TFDP2: variants seen among roughly 807,000 people sequenced by gnomAD.
The protein encoded by TFDP2 is transcription factor Dp-2, also known as transcription factor Dp-2 (E2F dimerization partner 2).
Under a neutral mutation model 59.3 loss-of-function variants are expected in TFDP2, and 17 were observed. The ratio of observed to expected loss-of-function variants is 0.29; its 90% CI spans 0.20 to 0.43. The LOEUF (loss-of-function observed/expected upper bound fraction) is 0.43, where lower values mean the gene tolerates loss of function less well. Among genes scored for constraint, TFDP2 ranks in the 20% least tolerant of loss-of-function variants. The pLI, the probability that TFDP2 is intolerant of heterozygous loss-of-function variation, is 1.00. For missense variants in TFDP2, 391 were observed against 528.8 expected, an observed-to-expected ratio of 0.74 and a Z score of 2.56; for synonymous variants, 180 against 194.7, an observed-to-expected ratio of 0.92 and a Z score of 0.63.
At chr3:142,112,720 T>C (rs1418214631) in intron 1 of TFDP2, among the ~76,000 whole-genome samples, 7 of 152,190 alleles carry the variant, frequency 4.6e-5, no homozygotes, top group Non-Finnish European at 1.0e-4. Context: ...GAGGTCTTGC[T>C]ATATTGCCCA....
chr3:142,093,830 C>G, intron 2 of TFDP2: 1 of 282,000 alleles, frequency 3.5e-6, no homozygotes, highest in Non-Finnish European at 7.4e-6. Flanking sequence ...ATTTCCTCAT[C>G]TGTAAATTGG....
intron 3 of TFDP2, among the ~76,000 whole-genome samples, chr3:142,049,804 AAAC>A (rs1380972147): frequency 6.6e-6 from 1 of 152,202 alleles, no homozygotes; most frequent in Non-Finnish European, 1.5e-5. Context: ...TCTGCCAACA[AAAC>A]AAAATCAGAT....
intron 3 of TFDP2, among the ~76,000 whole-genome samples, chr3:142,070,199 A>G (rs975168533): frequency 6.6e-6 from 1 of 152,100 alleles, no homozygotes; most frequent in Non-Finnish European, 1.5e-5. Context: ...GAGCCACCGC[A>G]CCTGGCCCAA....
intron 12 of TFDP2, 51 bp downstream of exon 12, chr3:141,952,856 CACAG>C (rs1559907242): frequency 5.7e-6 from 9 of 1,577,358 alleles, no homozygotes; most frequent in East Asian, 2.2e-5. Flanking sequence ...CTCACCCCTA[CACAG>C]ACAGTCAGGG....
intron 3 of TFDP2, among the ~76,000 whole-genome samples, chr3:142,012,761 T>C (rs1015887588): frequency 2.6e-5 from 4 of 152,142 alleles, no homozygotes; most frequent in African/African-American, 7.2e-5. Flanking sequence ...CACTGATGAG[T>C]AGCATGGAGG....
chr3:142,138,245 T>A (rs1311541429), intron 1 of TFDP2, among the ~76,000 whole-genome samples: 1 of 152,188 alleles, frequency 6.6e-6, no homozygotes. Flanking sequence ...TTTTATTGCA[T>A]CTACTTGATT....
intron 3 of TFDP2, among the ~76,000 whole-genome samples, chr3:142,075,828 G>T (rs949749125): frequency 6.8e-6 from 1 of 148,066 alleles, no homozygotes; most frequent in African/African-American, 2.5e-5. Context: ...GATTGCTTGA[G>T]CCCAGGAGGT....
At position 142,108,226 on chromosome 3, in the gene TFDP2, T is replaced by C. The variant is rs112078563; in HGVS notation, c.-92-6385A>G. ...CAAATTGCCTTTCTCTTTTTTTTTT[T>C]TGAGACAGAGTCTGGCTCTGTCACC... is the stretch of plus-strand genomic sequence containing the variant. On this transcript the variant is annotated intron_variant, in intron 1 of 12. Transcript: ENST00000489671. 1.4e-3 allele frequency among the ~76,000 whole-genome samples: 218 copies of C among 152,152 alleles called. 3 individuals are homozygous for C. Among genetic ancestry groups the C allele is most frequent in the Non-Finnish European group, 1.2e-3 (81 of 67,994 alleles).
At chr3:142,139,181 T>C (rs986936154) in intron 1 of TFDP2, among the ~76,000 whole-genome samples, 2 of 152,206 alleles carry the variant, frequency 1.3e-5, no homozygotes, top group African/African-American at 4.8e-5. Flanking sequence ...GAGACTAGGA[T>C]TGCAACCCCT....
chr3:141,952,877 G>A, intron 12 of TFDP2, 34 bp downstream of exon 12: 1 of 1,593,076 alleles, frequency 6.3e-7, no homozygotes, highest in Non-Finnish European at 8.6e-7. Flanking sequence ...AGGGCTCTGG[G>A]GTTTGCCTTT....
intron 1 of TFDP2, among the ~76,000 whole-genome samples, chr3:142,139,325 C>G (rs951567377): frequency 6.6e-6 from 1 of 152,096 alleles, no homozygotes; most frequent in African/African-American, 2.4e-5. Flanking sequence ...ATCCAATTTG[C>G]CAGTCTGTGT....
At chr3:142,001,870 A>AAGG (rs1560009461) in intron 4 of TFDP2, among the ~76,000 whole-genome samples, 2 of 151,800 alleles carry the variant, frequency 1.3e-5, no homozygotes, top group African/African-American at 2.4e-5. Context: ...GTTGTTGTTT[A>AAGG]GTTCTTTTAT....
Position 141,974,138 on chromosome 3 carries a change from T to G in TFDP2, c.573A>C (p.Leu191=). The G allele has an allele frequency of 6.2e-7, 1 of 1,613,166 alleles. No individual in the cohort carries two copies. Among genetic ancestry groups the G allele is most frequent in the Non-Finnish European group, 8.5e-7 (1 of 1,179,620 alleles). ...RRRVYDALNV[L]MAMNIISKEK... is the part of the protein sequence containing the mutation. ...CCTTTGAAATTATGTTCATTGCCAT[T>G]AGCACATTTAAAGCATCATAAACTC... Residue 191 remains leucine, a synonymous_variant, in exon 8 of 13, where the codon CTA becomes CTC. Coordinates refer to ENST00000489671, the MANE Select transcript of TFDP2 (RefSeq NM_001178139.2).
At position 141,977,973 on chromosome 3, in the gene TFDP2, G is replaced by A. The variant is rs1940951173; in HGVS notation, c.519+547C>T. Reference sequence around the variant, plus strand: ...GATCCACCCACCTCAGACTCCCAAAGTGCTGGGATTACAGGCGTGAGCCAC... The same window carrying A: ...GATCCACCCACCTCAGACTCCCAAAATGCTGGGATTACAGGCGTGAGCCAC... On this transcript the variant is annotated intron_variant, in intron 7 of 12. Transcript: ENST00000489671. Among the ~76,000 whole-genome samples, 4 of 151,138 alleles carry A rather than the reference G, an allele frequency of 2.6e-5. No individual in the cohort carries two copies. The South Asian group carries it at 6.3e-4, about 24-fold the overall frequency.
At chr3:141,987,239 A>G (rs1942194195) in intron 6 of TFDP2, among the ~76,000 whole-genome samples, 1 of 151,284 alleles carries the variant, frequency 6.6e-6, no homozygotes, top group South Asian at 2.1e-4. Context: ...TTTATTCACT[A>G]CTAAATGTAA....
chr3:142,016,961 C>G (rs1279002246), intron 3 of TFDP2, among the ~76,000 whole-genome samples: 2 of 152,200 alleles, frequency 1.3e-5, no homozygotes, highest in Admixed American at 6.5e-5. Flanking sequence ...TGCATTCACA[C>G]TGACCTCTTT....
intron 1 of TFDP2, among the ~76,000 whole-genome samples, chr3:142,136,672 T>C (rs1012636424): frequency 3.3e-5 from 5 of 152,144 alleles, no homozygotes; most frequent in Admixed American, 6.5e-5. Context: ...ATTTGTTAAA[T>C]AGGGAATCCT....
chr3:141,997,097 C>A (rs1199519371), intron 4 of TFDP2, among the ~76,000 whole-genome samples: 1 of 152,194 alleles, frequency 6.6e-6, no homozygotes, highest in Admixed American at 6.6e-5. Context: ...GTGCATCCCC[C>A]ATTTCAGTGC....
At chr3:142,083,580 A>C (rs1223344149) in intron 3 of TFDP2, among the ~76,000 whole-genome samples, 1 of 152,210 alleles carries the variant, frequency 6.6e-6, no homozygotes, top group Non-Finnish European at 1.5e-5. Context: ...AACTGAAGGA[A>C]TCACATTACC....
Sources: allele counts gnomAD v4.1 joint callset (sites outside exome capture counted in the v4.1 genomes callset), GRCh38; gene constraint gnomAD v4.1.1; transcripts MANE v1.5; gene names NCBI Gene and HGNC (gene_info 2026-07-23, HGNC 2026-07-21).